Variants in MMP16 observed in about 807,000 individuals in gnomAD.
MMP16 encodes matrix metallopeptidase 16, also known as matrix metalloproteinase-16.
Under a neutral mutation model 67.8 loss-of-function variants are expected in MMP16, and 12 were observed. The ratio of observed to expected loss-of-function variants is 0.18; its 90% CI spans 0.11 to 0.29. The LOEUF (loss-of-function observed/expected upper bound fraction) is 0.29, where lower values mean the gene tolerates loss of function less well. Among genes scored for constraint, MMP16 ranks in the 10% least tolerant of loss-of-function variants. The pLI is 1.00. For missense variants in MMP16, 475 were observed against 765.7 expected (o/e 0.62, Z 4.48); for synonymous variants, 249 against 255.9 (o/e 0.97, Z 0.26).
intron 4 of MMP16, 37 bp downstream of exon 4, chr8:88,167,632 T>C (rs1323053371): frequency 6.7e-7 from 1 of 1,501,914 alleles, no homozygotes; most frequent in African/African-American, 1.4e-5. Flanking sequence ...GAAATAATAA[T>C]AGAAATATTT....
chr8:88,056,373 T>C, intron 7 of MMP16, 95 bp from the exon 8 acceptor site: 1 of 422,050 alleles, frequency 2.4e-6, no homozygotes, highest in Non-Finnish European at 3.6e-6. Flanking sequence ...AAATACATAT[T>C]ATACATTTAA....
chr8:88,226,842 A>G (rs546571462), intron 1 of MMP16, among the ~76,000 whole-genome samples: 33 of 151,796 alleles, frequency 2.2e-4, no homozygotes, highest in Non-Finnish European at 4.1e-4. Flanking sequence ...TTTGTTTCCT[A>G]TTAAATGTTA....
At chr8:88,090,369 T>C (rs1261067743) in intron 6 of MMP16, among the ~76,000 whole-genome samples, 2 of 152,024 alleles carry the variant, frequency 1.3e-5, no homozygotes, top group African/African-American at 4.8e-5. Context: ...ATTAAAGGAA[T>C]GAATCATTTT....
intron 1 of MMP16, among the ~76,000 whole-genome samples, chr8:88,317,759 C>T (rs941762889): frequency 2.6e-5 from 4 of 152,222 alleles, no homozygotes; most frequent in South Asian, 2.1e-4. Context: ...CTGAAAGCTA[C>T]ATACAAGAAC....
chr8:88,130,758 A>ATGTG (rs1379020991), intron 4 of MMP16, among the ~76,000 whole-genome samples: 3 of 109,036 alleles, frequency 2.8e-5, no homozygotes, highest in African/African-American at 1.2e-4. Flanking sequence ...CTTGTGAAAT[A>ATGTG]CGTGTGTGTG....
chr8:88,055,226 G>A (rs1808316453), intron 8 of MMP16, among the ~76,000 whole-genome samples: 1 of 151,556 alleles, frequency 6.6e-6, no homozygotes, highest in South Asian at 2.1e-4. Flanking sequence ...TTTTGTTTTT[G>A]AGACAGGGTC....
chr8:88,193,586 G>A (rs1350638678), intron 2 of MMP16, among the ~76,000 whole-genome samples: 1 of 152,060 alleles, frequency 6.6e-6, no homozygotes, highest in African/African-American at 2.4e-5. Context: ...AAAAGAGTAA[G>A]ATTGGAATGA....
rs148895107 is a variant in MMP16, at chr8:88,261,900, T to A, written c.133-64594A>T. Among the ~76,000 whole-genome samples, 813 of 152,208 alleles carry A rather than the reference T, an allele frequency of 5.3e-3. 9 individuals carry two copies. The highest frequency in any genetic ancestry group is 0.019 in the African/African-American group (776 of 41,514). On this transcript the variant is annotated intron_variant, in intron 1 of 9. Coordinates refer to ENST00000286614, the MANE Select transcript of MMP16 (RefSeq NM_005941.5). ...CACATATTATATTATTAATATTTAA[T>A]CTTCAGAGCAACCCCATGAGGTTAT...
At chr8:88,237,892 G>A (rs1809970293) in intron 1 of MMP16, among the ~76,000 whole-genome samples, 1 of 152,050 alleles carries the variant, frequency 6.6e-6, no homozygotes. Context: ...GGCAATATGA[G>A]TCACTATAAG....
chr8:88,233,605 C>A (rs1809896463), intron 1 of MMP16, among the ~76,000 whole-genome samples: 3 of 152,228 alleles, frequency 2.0e-5, no homozygotes, highest in Admixed American at 1.3e-4. Flanking sequence ...AGAGCACATT[C>A]TTTCTGAACA....
At chr8:88,106,835 C>A (rs1159194169) in intron 6 of MMP16, among the ~76,000 whole-genome samples, 1 of 150,998 alleles carries the variant, frequency 6.6e-6, no homozygotes, top group South Asian at 2.1e-4. Flanking sequence ...AAAAGTAACA[C>A]TTCCTACATG....
intron 6 of MMP16, among the ~76,000 whole-genome samples, chr8:88,076,933 G>T (rs868221502): frequency 3.9e-5 from 6 of 152,102 alleles, no homozygotes; most frequent in Admixed American, 1.3e-4. Flanking sequence ...TCCCACAAAA[G>T]CCCTTCCCAT....
At chr8:88,153,164 T>C (rs1411584528) in intron 4 of MMP16, among the ~76,000 whole-genome samples, 1 of 148,158 alleles carries the variant, frequency 6.7e-6, no homozygotes, top group Non-Finnish European at 1.5e-5. Context: ...ACAAGGGATG[T>C]GAAGGACCTC....
At chr8:88,210,904 T>C (rs774000127) in intron 1 of MMP16, among the ~76,000 whole-genome samples, 2 of 152,112 alleles carry the variant, frequency 1.3e-5, no homozygotes, top group African/African-American at 2.4e-5. Flanking sequence ...ACAGCACTAA[T>C]CTCCTTAACA....
chr8:88,313,435 T>G (rs1313623738), intron 1 of MMP16, among the ~76,000 whole-genome samples: 1 of 152,222 alleles, frequency 6.6e-6, no homozygotes, highest in African/African-American at 2.4e-5. Context: ...TCTGCAATTA[T>G]TTGCTCCTCT....
chr8:88,322,257 G>A (rs1013896195), intron 1 of MMP16, among the ~76,000 whole-genome samples: 2 of 152,108 alleles, frequency 1.3e-5, no homozygotes, highest in African/African-American at 4.8e-5. Context: ...TGTAAAAGAA[G>A]GTGTGAGCTG....
At chr8:88,140,401 C>T (rs752547403) in intron 4 of MMP16, among the ~76,000 whole-genome samples, 2 of 152,100 alleles carry the variant, frequency 1.3e-5, no homozygotes, top group Middle Eastern at 3.2e-3. Context: ...TCACTTCTAC[C>T]ACATTCTATT....
chr8:88,130,660 C>T (rs1808012660), intron 4 of MMP16, among the ~76,000 whole-genome samples: 1 of 151,512 alleles, frequency 6.6e-6, no homozygotes, highest in African/African-American at 2.4e-5. Context: ...GACTATTCTG[C>T]TGGCAACGTG....
At chr8:88,108,957 C>A (rs894853146) in intron 6 of MMP16, among the ~76,000 whole-genome samples, 9 of 151,164 alleles carry the variant, frequency 6.0e-5, no homozygotes, top group Non-Finnish European at 1.0e-4. Context: ...TATATTAGAT[C>A]CACTTAATTG....
Sources: gnomAD v4.1 joint callset for allele counts (sites outside exome capture counted in the v4.1 genomes callset) on GRCh38, gnomAD v4.1.1 for gene constraint, MANE v1.5 for transcripts, NCBI Gene and HGNC (gene_info 2026-07-23, HGNC 2026-07-21) for gene names.